The following PHACTR2 variants were observed in gnomAD, a reference collection of about 807,000 sequenced individuals.
The protein encoded by PHACTR2 is phosphatase and actin regulator 2.
A neutral mutation model predicts 76.0 loss-of-function variants in PHACTR2; 30 were observed. The ratio of observed to expected loss-of-function variants is 0.39; its 90% CI spans 0.30 to 0.54. The LOEUF (loss-of-function observed/expected upper bound fraction) is 0.54, where lower values mean the gene tolerates loss of function less well. PHACTR2 is among the 20% of genes least tolerant of loss of function. PHACTR2 has a pLI of 0.61. For synonymous variants in PHACTR2, 292 were observed against 292.5 expected, an observed-to-expected ratio of 1.00 and a Z score of 0.02; for missense variants, 696 against 781.1, an observed-to-expected ratio of 0.89 and a Z score of 1.30.
At position 143,556,604 on chromosome 6, in the gene PHACTR2, G is replaced by A. The variant is rs759942634; in HGVS notation, c.217+19397G>A. ...CAGCATTCAAAAAATCAATCTAAACGCAGCCCTAGAGCAGCAATTCAGCTT... is the reference window on the plus strand; with the variant it reads ...CAGCATTCAAAAAATCAATCTAAACACAGCCCTAGAGCAGCAATTCAGCTT... On this transcript the variant is annotated intron_variant, in intron 1 of 11. Transcript: ENST00000367584. This position sits in a 1 kb window ranked among gnomAD's most constrained non-coding sequence, Gnocchi z 4.3. Among the ~76,000 whole-genome samples, 6 of 152,118 alleles carry A rather than the reference G, an allele frequency of 3.9e-5. No homozygotes were observed. Among genetic ancestry groups the A allele is most frequent in the Non-Finnish European group, 8.8e-5 (6 of 68,028 alleles).
rs1307443591 is a variant in PHACTR2, at chr6:143,585,718, G to A, written c.217+48511G>A. On this transcript the variant is annotated intron_variant, in intron 1 of 11. Transcript: ENST00000367584. The surrounding 1 kb of genome is among the most constrained non-coding windows in gnomAD (Gnocchi z 5.2). Reference sequence around the variant, plus strand: ...AGGTGCTCAAAAAATACCTGTGTGCGAATGAACTCTGTGAGCAATTTTGTC... The same window carrying A: ...AGGTGCTCAAAAAATACCTGTGTGCAAATGAACTCTGTGAGCAATTTTGTC... 1.3e-5 allele frequency among the ~76,000 whole-genome samples: 2 copies of A among 152,200 alleles called. No homozygotes were observed. The highest frequency in any genetic ancestry group is 4.8e-5 in the African/African-American group (2 of 41,438).
At chr6:143,796,583 C>T (rs1203813590) in intron 11 of PHACTR2, among the ~76,000 whole-genome samples, 1 of 151,984 alleles carries the variant, frequency 6.6e-6, no homozygotes, top group Admixed American at 6.6e-5. Flanking sequence ...CCTACAGGCC[C>T]CAGTGTGTGA....
intron 1 of PHACTR2, among the ~76,000 whole-genome samples, chr6:143,661,067 A>C (rs1385430354): frequency 1.3e-5 from 2 of 152,248 alleles, no homozygotes; most frequent in Admixed American, 1.3e-4. Context: ...AGCTATTTCT[A>C]TACTGACATA....
At chr6:143,712,275 A>C (rs1440125074) in intron 2 of PHACTR2, 92 bp downstream of exon 2, 5 of 767,662 alleles carry the variant, frequency 6.5e-6, no homozygotes, top group Non-Finnish European at 9.5e-6. Context: ...TTTTTCCCAG[A>C]AAAAAATTAA....
At chr6:143,771,172 A>G (rs541606041) in intron 6 of PHACTR2, among the ~76,000 whole-genome samples, 1,009 of 21,740 alleles carry the variant, frequency 0.046, 30 homozygotes, top group African/African-American at 0.13. Flanking sequence ...ATATATATAT[A>G]TGTATATATA....
In PHACTR2 at chr6:143,821,444, T is replaced by C. The variant is rs1220212797; in HGVS notation, c.1923-2230T>C. Among the ~76,000 whole-genome samples, 7 of 152,254 alleles carry C rather than the reference T, an allele frequency of 4.6e-5. No individual in the cohort carries two copies. The highest frequency in any genetic ancestry group is 4.6e-4 in the Admixed American group (7 of 15,280). ...ACACAGTGACGTTTAGTAAGTACTA[T>C]CACGTGCCGGAGATTGTATTCAATG... On this transcript the variant is annotated intron_variant, in intron 12 of 12. Transcript: ENST00000440869. This position sits in a 1 kb window ranked among gnomAD's most constrained non-coding sequence, Gnocchi z 5.2.
chr6:143,749,665 T>A (rs1196136841), intron 3 of PHACTR2, among the ~76,000 whole-genome samples: 1 of 152,210 alleles, frequency 6.6e-6, no homozygotes, highest in East Asian at 1.9e-4. Context: ...TTCTAATTTT[T>A]TCCCCTATCT....
intron 1 of PHACTR2, among the ~76,000 whole-genome samples, chr6:143,691,132 G>T (rs1223795900): frequency 6.6e-6 from 1 of 152,142 alleles, no homozygotes; most frequent in Non-Finnish European, 1.5e-5. Flanking sequence ...GATTCCTAAG[G>T]TGAGAAACAT....
Position 143,780,578 on chromosome 6 carries a change from A to G in PHACTR2, c.1646-2641A>G, listed in dbSNP as rs1775404245. Among the ~76,000 whole-genome samples the G allele has an allele frequency of 6.6e-6, 1 of 152,222 alleles. No individual in the cohort carries two copies. Among genetic ancestry groups the G allele is most frequent in the South Asian group, 2.1e-4 (1 of 4,836 alleles). On this transcript the variant is annotated intron_variant, in intron 9 of 12. Coordinates refer to ENST00000440869, the MANE Select transcript of PHACTR2 (RefSeq NM_001100164.2). This position sits in a 1 kb window ranked among gnomAD's most constrained non-coding sequence, Gnocchi z 4.4. Reference sequence around the variant, plus strand: ...AACAACTCAAGAAGATAATACTCCAATTGCTGGTATTTTTATACTTTTCTT... The same window carrying G: ...AACAACTCAAGAAGATAATACTCCAGTTGCTGGTATTTTTATACTTTTCTT...
Position 143,765,459 on chromosome 6 carries a change from G to A in PHACTR2, c.893G>A (p.Gly298Asp). 1 of 1,614,190 alleles carries A rather than the reference G, an allele frequency of 6.2e-7. No homozygotes were observed. Among genetic ancestry groups the A allele is most frequent in the Non-Finnish European group, 8.5e-7 (1 of 1,180,040 alleles). Residue 298 changes from glycine to aspartate, a missense_variant, in exon 6 of 13, where the codon GGC becomes GAC. Gly to Asp is a moderately conservative substitution (Grantham distance 94). Coordinates refer to ENST00000440869, the MANE Select transcript of PHACTR2 (RefSeq NM_001100164.2). The surrounding 1 kb of genome is among the most constrained non-coding windows in gnomAD (Gnocchi z 4.1). ...SHLSSDTTTS[G>D]TSDLKGEPAE... is the part of the protein sequence containing the mutation. Reference sequence around the variant, plus strand: ...CTGTCCTCAGACACAACAACTTCTGGCACATCCGACCTGAAAGGAGAGCCT... The same window carrying A: ...CTGTCCTCAGACACAACAACTTCTGACACATCCGACCTGAAAGGAGAGCCT...
At chr6:143,725,052 G>A (rs910003473) in intron 2 of PHACTR2, among the ~76,000 whole-genome samples, 12 of 152,186 alleles carry the variant, frequency 7.9e-5, no homozygotes, top group Non-Finnish European at 1.5e-4. Context: ...CATTCACCAT[G>A]TGGGTGTTTC....
At chr6:143,702,052 TC>T (rs1777926327) in intron 1 of PHACTR2, among the ~76,000 whole-genome samples, 1 of 151,562 alleles carries the variant, frequency 6.6e-6, no homozygotes, top group African/African-American at 2.4e-5. Context: ...CAGTTTACCA[TC>T]CCAGTTGGGT....
chr6:143,628,957 A>G (rs1399093640), intron 1 of PHACTR2, among the ~76,000 whole-genome samples: 1 of 81,088 alleles, frequency 1.2e-5, no homozygotes, highest in Non-Finnish European at 2.7e-5. Flanking sequence ...ATATATATAT[A>G]TATATATATA....
chr6:143,675,987 G>A (rs2128451778), upstream of PHACTR2, among the ~76,000 whole-genome samples: 1 of 152,306 alleles, frequency 6.6e-6, no homozygotes, highest in Admixed American at 6.5e-5. This position sits in a 1 kb window ranked among gnomAD's most constrained non-coding sequence, Gnocchi z 4.9. Context: ...AGTATAACTT[G>A]TTAGCTGTGA....
intron 11 of PHACTR2, among the ~76,000 whole-genome samples, chr6:143,799,998 A>G (rs1775915840): frequency 6.6e-6 from 1 of 152,126 alleles, no homozygotes; most frequent in Non-Finnish European, 1.5e-5. Context: ...GTCTCCCATT[A>G]TTATTGTGTG....
At position 143,664,812 on chromosome 6, in the gene PHACTR2, A is replaced by AT. The variant is rs1254858304; in HGVS notation, c.14-47200dup. ...ATTTTTATTTTATTTTATTATTATT[A>AT]TTTTGAGACACTGTCTTGCTCTGTC... On this transcript the variant is annotated intron_variant, in intron 1 of 11. Coordinates refer to the PHACTR2 transcript ENST00000305766. The surrounding 1 kb of genome is among the most constrained non-coding windows in gnomAD (Gnocchi z 5.1). Among the ~76,000 whole-genome samples the AT allele has an allele frequency of 2.0e-5, 3 of 151,380 alleles. No individual in the cohort carries two copies. The highest frequency in any genetic ancestry group is 4.4e-5 in the Non-Finnish European group (3 of 67,822).
intron 12 of PHACTR2, among the ~76,000 whole-genome samples, chr6:143,817,855 A>G (rs866727173): frequency 6.6e-6 from 1 of 152,242 alleles, no homozygotes; most frequent in Non-Finnish European, 1.5e-5. Flanking sequence ...TAAAGAGGGT[A>G]GGGGAAAGGA....
rs767758436 is a variant in PHACTR2, at chr6:143,783,308, A to G, written c.1707+28A>G. The G allele has an allele frequency of 7.7e-6, 11 of 1,422,504 alleles. No homozygotes were observed. The highest frequency in any genetic ancestry group is 2.3e-5 in the South Asian group (2 of 85,946). 88.1% of individuals were successfully genotyped at this position (1,422,504 alleles called of 1,614,324 possible). Reference sequence around the variant, plus strand: ...AATGAAATCATAACTATTAATGAGCATATGTGTTTTGAGATATACTTTTAA... The same window carrying G: ...AATGAAATCATAACTATTAATGAGCGTATGTGTTTTGAGATATACTTTTAA... On this transcript the variant is annotated intron_variant, in intron 10 of 12. Coordinates refer to ENST00000440869, the MANE Select transcript of PHACTR2 (RefSeq NM_001100164.2). The surrounding 1 kb of genome is among the most constrained non-coding windows in gnomAD (Gnocchi z 5.2).
chr6:143,798,872 C>T (rs1357345022), intron 11 of PHACTR2, among the ~76,000 whole-genome samples: 1 of 152,076 alleles, frequency 6.6e-6, no homozygotes, highest in Non-Finnish European at 1.5e-5. Flanking sequence ...CTCTGCCAGG[C>T]TTTGGTATCA....
Sources: gnomAD v4.1 joint callset for allele counts (sites outside exome capture counted in the v4.1 genomes callset) on GRCh38, gnomAD v4.1.1 for gene constraint, Gnocchi (gnomAD v3.1) non-coding constraint, MANE v1.5 for transcripts, NCBI Gene and HGNC (gene_info 2026-07-23, HGNC 2026-07-21) for gene names.